The following MCC variants were observed in gnomAD, a reference collection of about 807,000 sequenced individuals.
MCC encodes the protein MCC regulator of Wnt signaling pathway, also known as colorectal mutant cancer protein.
A neutral mutation model predicts 116.2 loss-of-function variants in MCC; 90 were observed. That is an observed-to-expected ratio of 0.77 (90% CI 0.65 to 0.92). The LOEUF (loss-of-function observed/expected upper bound fraction) is 0.92, where lower values mean the gene tolerates loss of function less well. MCC is among the 40% of genes least tolerant of loss of function. The pLI, the probability that MCC is intolerant of heterozygous loss-of-function variation, is 0.00. For missense variants in MCC, 1,516 were observed against 1,312.2 expected (o/e 1.16, Z -2.40); for synonymous variants, 578 against 510.5 (o/e 1.13, Z -1.78).
intron 5 of MCC, among the ~76,000 whole-genome samples, chr5:113,123,543 C>T (rs1757856633): frequency 6.6e-6 from 1 of 152,168 alleles, no homozygotes; most frequent in South Asian, 2.1e-4. Context: ...TATTTGTATA[C>T]ACACATCTAC....
chr5:113,258,919 A>G (rs1367049220), intron 3 of MCC, among the ~76,000 whole-genome samples: 1 of 152,258 alleles, frequency 6.6e-6, no homozygotes, highest in African/African-American at 2.4e-5. Flanking sequence ...CAGTAAATTA[A>G]CAGGCTATAC....
At chr5:113,238,812 C>A (rs1468565839) in intron 3 of MCC, among the ~76,000 whole-genome samples, 1 of 152,186 alleles carries the variant, frequency 6.6e-6, no homozygotes, top group Non-Finnish European at 1.5e-5. Flanking sequence ...AAATTTTTAA[C>A]AAAATGGCAT....
chr5:113,426,552 G>A (rs1370830599), intron 1 of MCC, among the ~76,000 whole-genome samples: 2 of 152,096 alleles, frequency 1.3e-5, no homozygotes, highest in African/African-American at 2.4e-5. Flanking sequence ...TGTTCTTCAT[G>A]CCCGAAACAT....
At chr5:113,382,325 C>CA (rs2150392606) in intron 2 of MCC, among the ~76,000 whole-genome samples, 1 of 147,770 alleles carries the variant, frequency 6.8e-6, no homozygotes, top group East Asian at 2.0e-4. Context: ...GGCTGGAGTG[C>CA]AGTGGTGTAA....
intron 17 of MCC, among the ~76,000 whole-genome samples, chr5:113,032,086 A>C (rs1750992097): frequency 6.6e-6 from 1 of 152,236 alleles, no homozygotes; most frequent in African/African-American, 2.4e-5. Context: ...CAACACAAAA[A>C]AATGTAAAAT....
At chr5:113,180,811 T>C (rs1761589978) in intron 3 of MCC, among the ~76,000 whole-genome samples, 1 of 152,222 alleles carries the variant, frequency 6.6e-6, no homozygotes, top group South Asian at 2.1e-4. Context: ...TTAATATTTT[T>C]CTGACTTTCT....
At chr5:113,061,362 G>A (rs1269123014) in intron 14 of MCC, among the ~76,000 whole-genome samples, 1 of 152,212 alleles carries the variant, frequency 6.6e-6, no homozygotes, top group Non-Finnish European at 1.5e-5. Flanking sequence ...AGAAGGAGCT[G>A]AACTGTGAGG....
At chr5:113,294,367 T>C (rs376554754) in intron 3 of MCC, 7 of 1,598,994 alleles carry the variant, frequency 4.4e-6, no homozygotes, top group African/African-American at 4.0e-5. Flanking sequence ...CCATATTTCA[T>C]GGCAACTCCG....
At chr5:113,195,098 A>C (rs915753152) in intron 3 of MCC, among the ~76,000 whole-genome samples, 2 of 152,148 alleles carry the variant, frequency 1.3e-5, no homozygotes, top group African/African-American at 4.8e-5. Context: ...TAAATATACC[A>C]AAGCGTTTGT....
chr5:113,141,100 G>A (rs1759154315), intron 5 of MCC, among the ~76,000 whole-genome samples: 1 of 152,166 alleles, frequency 6.6e-6, no homozygotes, highest in Non-Finnish European at 1.5e-5. Flanking sequence ...AAAAAAGGAA[G>A]AGAAAAGACA....
At chr5:113,478,038 C>T (rs1483830764) in intron 1 of MCC, among the ~76,000 whole-genome samples, 2 of 152,116 alleles carry the variant, frequency 1.3e-5, no homozygotes, top group Non-Finnish European at 2.9e-5. Context: ...AATGGAACTT[C>T]TAGAGGTGAA....
intron 3 of MCC, among the ~76,000 whole-genome samples, chr5:113,183,242 G>T (rs1761719819): frequency 6.6e-6 from 1 of 152,152 alleles, no homozygotes. Context: ...ACACCAGAGA[G>T]GTCTGGAAAA....
At chr5:113,440,796 A>G (rs1266145556) in intron 1 of MCC, among the ~76,000 whole-genome samples, 1 of 152,196 alleles carries the variant, frequency 6.6e-6, no homozygotes, top group East Asian at 1.9e-4. Flanking sequence ...AAAGAGAAGA[A>G]AAAGAAAGAA....
chr5:113,249,531 C>T (rs1471989285), intron 3 of MCC, among the ~76,000 whole-genome samples: 1 of 152,194 alleles, frequency 6.6e-6, no homozygotes, highest in African/African-American at 2.4e-5. Flanking sequence ...TGATCCCATT[C>T]ATTCCAGCCT....
rs559623152 is a variant in MCC, at chr5:113,131,588, T to C, written c.885-8762A>G. Among the ~76,000 whole-genome samples, 68 of 152,228 alleles carry C rather than the reference T, an allele frequency of 4.5e-4. 1 individual carries two copies. The South Asian group carries it at 9.8e-3, about 22-fold the overall frequency. ...TTAACTTAGTTCCATGCCTGCAAAA[T>C]TGCTGAAAGGGCTGCAGAAAAGAGA... On this transcript the variant is annotated intron_variant, in intron 5 of 18. Transcript: ENST00000408903.
chr5:113,208,610 C>A (rs1763003187), intron 3 of MCC, among the ~76,000 whole-genome samples: 2 of 152,094 alleles, frequency 1.3e-5, no homozygotes, highest in African/African-American at 4.8e-5. Flanking sequence ...AAAAAGCAAG[C>A]CTTTCAATCA....
intron 3 of MCC, chr5:113,294,337 G>A (rs1219590502): frequency 3.1e-6 from 5 of 1,613,784 alleles, no homozygotes; most frequent in African/African-American, 1.3e-5. Context: ...ACCTCACTCA[G>A]CTCGGCCGAG....
At position 113,459,886 on chromosome 5, in the gene MCC, G is replaced by C. The variant is rs1771698855; in HGVS notation, c.170+28359C>G. 2.0e-5 allele frequency among the ~76,000 whole-genome samples: 3 copies of C among 148,894 alleles called. No individual in the cohort carries two copies. The South Asian group carries it at 6.4e-4, about 32-fold the overall frequency. ...CATGCATACATATGTGCACACCTTA[G>C]TTGTATTCTGTGGATATTTAGATAG... On this transcript the variant is annotated intron_variant, in intron 1 of 18. Transcript: ENST00000408903.
chr5:113,084,004 T>C lies in MCC; in HGVS notation c.1635+97A>G, dbSNP rs558091560. 201 of 895,052 alleles carry C rather than the reference T, an allele frequency of 2.2e-4. No individual in the cohort carries two copies. In the African/African-American group the frequency reaches 3.2e-3, roughly 14 times the overall value. The allele number at this position is 895,052 out of a possible 1,614,324, so 55.4% of individuals were successfully genotyped here. A position where few individuals can be genotyped will look rare whatever the true frequency, so the allele number is the denominator to read the frequency against. On this transcript the variant is annotated intron_variant, in intron 10 of 18. Transcript: ENST00000408903. ...TTTACTATTATAACTAACTGGTTTA[T>C]TGGAGATAGACTTTGGAAGTTCTTC...
Sources: allele counts gnomAD v4.1 joint callset (sites outside exome capture counted in the v4.1 genomes callset), GRCh38; gene constraint gnomAD v4.1.1; transcripts MANE v1.5; gene names NCBI Gene and HGNC (gene_info 2026-07-23, HGNC 2026-07-21).